Variants in PLCG2 observed in about 807,000 individuals in gnomAD.
PLCG2 encodes the protein phospholipase C gamma 2.
PLCG2 carries 69 observed loss-of-function variants against 175.6 expected under a neutral mutation model. The ratio of observed to expected loss-of-function variants is 0.39; its 90% CI spans 0.32 to 0.48. The LOEUF is 0.48. Ranked by LOEUF, PLCG2 falls within the 20% of genes least tolerant of loss-of-function variation. The probability of loss-of-function intolerance (pLI) is 0.91; values close to 1 mark genes in which losing one functional copy is unlikely to be tolerated. For synonymous variants in PLCG2, 827 were observed against 624.0 expected, an observed-to-expected ratio of 1.33 and a Z score of -4.85; for missense variants, 1,798 against 1,650.9, an observed-to-expected ratio of 1.09 and a Z score of -1.54.
In PLCG2 at chr16:81,781,802, C is replaced by T. The variant is rs574356832; in HGVS notation, c.-48+2378C>T. ...GTACTGGCTTACCATGCACAGAGCA[C>T]TGAAGAGACAAAAACTTCCTTGATT... On this transcript the variant is annotated intron_variant, in intron 1 of 32. Transcript: ENST00000564138. Among the ~76,000 whole-genome samples, 24 of 152,296 alleles carry T rather than the reference C, an allele frequency of 1.6e-4. No individual in the cohort carries two copies. The South Asian group carries it at 3.7e-3, about 24-fold the overall frequency.
rs1219219412 is a variant in PLCG2, at chr16:81,961,204, A to C, written c.*3206A>C. The C allele has an allele frequency of 4.4e-6, 1 of 227,236 alleles. No individual in the cohort carries two copies. Among genetic ancestry groups the C allele is most frequent in the African/African-American group, 2.2e-5 (1 of 45,010 alleles). The allele number at this position is 227,236 out of a possible 1,614,324, so 14.1% of individuals were successfully genotyped here. A position where few individuals can be genotyped will look rare whatever the true frequency, so the allele number is the denominator to read the frequency against. On this transcript the variant is annotated 3_prime_UTR_variant, in exon 33 of 33. Transcript: ENST00000564138. ...AAGAATTCAGTGATTCTGCTATCAT[A>C]AAGCTTCCGTTCCCATTGATGTATC...
chr16:81,938,107 ACCT>A (rs1910792667), intron 28 of PLCG2, among the ~76,000 whole-genome samples: 1 of 151,902 alleles, frequency 6.6e-6, no homozygotes, highest in South Asian at 2.1e-4. Context: ...GAGAGGGGAA[ACCT>A]CCTCAAACCC....
intron 2 of PLCG2, among the ~76,000 whole-genome samples, chr16:81,774,187 A>AG (rs1910347170): frequency 6.8e-6 from 1 of 146,400 alleles, no homozygotes; most frequent in South Asian, 2.2e-4. Flanking sequence ...CAAAAAAAAA[A>AG]AAAAAAAAAA....
chr16:81,956,780 C>G lies in PLCG2; in HGVS notation c.3656C>G (p.Thr1219Arg), dbSNP rs774709681. 6 of 1,614,170 alleles carry G rather than the reference C, an allele frequency of 3.7e-6. No homozygotes were observed. The East Asian group carries it at 1.1e-4, about 30-fold the overall frequency. The stretch of plus-strand genomic sequence containing the variant: ...AACAACCAGCTCTTTCTGTATGACA[C>G]ACACCAGAACTTGCGCAATGCCAAC... The part of the protein sequence containing the change: ...ELNNQLFLYD[T>R]HQNLRNANRD... The change falls in exon 32 of 33, where the codon ACA (threonine) becomes AGA (arginine). Residue 1219 changes from threonine (T) to arginine (R), a missense_variant. Coordinates refer to ENST00000564138, the MANE Select transcript of PLCG2 (RefSeq NM_002661.5).
At chr16:81,855,123 T>C (rs1187376958) in intron 3 of PLCG2, among the ~76,000 whole-genome samples, 1 of 151,430 alleles carries the variant, frequency 6.6e-6, no homozygotes, top group Non-Finnish European at 1.5e-5. Context: ...GGCACAAGAA[T>C]TGCTTGAACC....
At chr16:81,912,040 A>G (rs1024758314) in intron 18 of PLCG2, among the ~76,000 whole-genome samples, 1 of 150,152 alleles carries the variant, frequency 6.7e-6, no homozygotes. Flanking sequence ...CTCATGATCC[A>G]CCCGCCTCAA....
Position 81,958,349 on chromosome 16 carries a change from C to T in PLCG2, c.*351C>T. ...GCAGTGAACAGGATTTCTTTTCTGGCCAAGAAGATTCTACCTCTAATGATC... is the reference window on the plus strand; with the variant it reads ...GCAGTGAACAGGATTTCTTTTCTGGTCAAGAAGATTCTACCTCTAATGATC... On this transcript the variant is annotated 3_prime_UTR_variant, in exon 33 of 33. Coordinates refer to ENST00000564138, the MANE Select transcript of PLCG2 (RefSeq NM_002661.5). The T allele has an allele frequency of 3.7e-6, 1 of 269,694 alleles. No homozygotes were observed. Among genetic ancestry groups the T allele is most frequent in the Non-Finnish European group, 7.0e-6 (1 of 142,202 alleles). 16.7% of individuals were successfully genotyped at this position (269,694 alleles called of 1,614,324 possible). A position where few individuals can be genotyped will look rare whatever the true frequency, so the allele number is the denominator to read the frequency against.
At chr16:81,769,814 C>T (rs1387371814) in intron 2 of PLCG2, among the ~76,000 whole-genome samples, 2 of 98,630 alleles carry the variant, frequency 2.0e-5, no homozygotes, top group Non-Finnish European at 3.8e-5. Flanking sequence ...AGCGAGACTC[C>T]GTCTCAAAAA....
At chr16:81,765,680 T>C (rs1429718347) in intron 2 of PLCG2, among the ~76,000 whole-genome samples, 1 of 52,200 alleles carries the variant, frequency 1.9e-5, no homozygotes, top group African/African-American at 4.1e-5. Flanking sequence ...GACCCCGGGG[T>C]CTCAGACTTT....
chr16:81,888,442 G>A (rs1908476148), intron 9 of PLCG2, among the ~76,000 whole-genome samples: 1 of 152,178 alleles, frequency 6.6e-6, no homozygotes, highest in Admixed American at 6.5e-5. Flanking sequence ...GGCCAGGCTG[G>A]TCTCAAACTC....
chr16:81,914,240 C>T lies in PLCG2; in HGVS notation c.2054+1524C>T, dbSNP rs74032922. 4.5e-3 allele frequency among the ~76,000 whole-genome samples: 693 copies of T among 152,368 alleles called. 8 individuals are homozygous for T. The highest frequency in any genetic ancestry group is 0.015 in the African/African-American group (639 of 41,590). On this transcript the variant is annotated intron_variant, in intron 19 of 32. Transcript: ENST00000564138. ...CTGAGGTGCCCAAGCGGTGAGACAG[C>T]TCTGACACAACCGGATCGGGGCCTC...
In PLCG2 at chr16:81,895,754, G is replaced by A. The variant is rs548902136; in HGVS notation, c.1073-53G>A. 6.5e-5 allele frequency: 105 copies of A among 1,606,524 alleles called. No homozygotes were observed. In the African/African-American group the frequency reaches 1.1e-3, roughly 16 times the overall value. On this transcript the variant is annotated intron_variant, in intron 12 of 32. Transcript: ENST00000564138. ...GGTGTGTGGGCCGGGGGCTGACCTCGGGGCTGTCAGTGAACACACGTGGTA... is the reference window on the plus strand; with the variant it reads ...GGTGTGTGGGCCGGGGGCTGACCTCAGGGCTGTCAGTGAACACACGTGGTA...
At position 81,753,354 on chromosome 16, in the gene PLCG2, T is replaced by G. The variant is rs960497882; in HGVS notation, c.-144-2516T>G. On this transcript the variant is annotated intron_variant, in intron 1 of 5. Coordinates refer to the PLCG2 transcript ENST00000565054. The stretch of plus-strand genomic sequence containing the variant: ...AAAGTCCTGGCAGGTTTTTTTTTTT[T>G]TTTTTTTTTTTTGTATTCTGGTTAA... Among the ~76,000 whole-genome samples the G allele has an allele frequency of 7.8e-3, 1,182 of 150,976 alleles. 6 individuals are homozygous for G. Among genetic ancestry groups the G allele is most frequent in the Non-Finnish European group, 0.013 (903 of 67,782 alleles).
Position 81,893,015 on chromosome 16 carries a change from T to C in PLCG2, c.987-694T>C, listed in dbSNP as rs1300600938. On this transcript the variant is annotated intron_variant, in intron 11 of 32. Coordinates refer to ENST00000564138, the MANE Select transcript of PLCG2 (RefSeq NM_002661.5). Reference sequence around the variant, plus strand: ...ACGAGCCACCATGCCCTGTTTTGTTTTGTTTTGTTTTGTTTTTGTATTTTT... The same window carrying C: ...ACGAGCCACCATGCCCTGTTTTGTTCTGTTTTGTTTTGTTTTTGTATTTTT... 2.0e-5 allele frequency among the ~76,000 whole-genome samples: 3 copies of C among 152,112 alleles called. 1 individual carries two copies. The highest frequency in any genetic ancestry group is 4.2e-4 in the South Asian group (2 of 4,810).
chr16:81,926,353 A>G lies in PLCG2; in HGVS notation c.2418-729A>G, dbSNP rs11866585. ...GTCCCTGGCTGCGGAAAATAGCTCA[A>G]GAGATGGGCAGGTTGAAGGAGGGCG... On this transcript the variant is annotated intron_variant, in intron 22 of 32. Transcript: ENST00000564138. Among the ~76,000 whole-genome samples the G allele has an allele frequency of 4.8e-3, 734 of 152,284 alleles. 8 individuals carry two copies. Among genetic ancestry groups the G allele is most frequent in the African/African-American group, 0.017 (699 of 41,560 alleles).
intron 5 of PLCG2, among the ~76,000 whole-genome samples, chr16:81,866,337 C>T (rs28660558): frequency 2.3e-5 from 3 of 130,908 alleles, no homozygotes; most frequent in South Asian, 5.1e-4. Context: ...CATGAGAGGA[C>T]GCTGGCCTCT....
chr16:81,916,018 G>C (rs1000359769), intron 19 of PLCG2, among the ~76,000 whole-genome samples: 3 of 152,112 alleles, frequency 2.0e-5, no homozygotes, highest in African/African-American at 7.2e-5. Flanking sequence ...ATACATGTCT[G>C]TATCTATGGA....
chr16:81,768,741 A>AT (rs1342983492), intron 2 of PLCG2, among the ~76,000 whole-genome samples: 1 of 151,410 alleles, frequency 6.6e-6, no homozygotes, highest in Non-Finnish European at 1.5e-5. Flanking sequence ...AATTTTTTGT[A>AT]TTTTTAGTAG....
chr16:81,826,041 A>G (rs1290439586), intron 2 of PLCG2, among the ~76,000 whole-genome samples: 1 of 152,182 alleles, frequency 6.6e-6, no homozygotes, highest in Non-Finnish European at 1.5e-5. Flanking sequence ...TCTAGTAAAT[A>G]TTTCAAACTC....
Sources: allele counts gnomAD v4.1 joint callset (sites outside exome capture counted in the v4.1 genomes callset), GRCh38; gene constraint gnomAD v4.1.1; transcripts MANE v1.5; gene names NCBI Gene and HGNC (gene_info 2026-07-23, HGNC 2026-07-21).